The following GPRC5C variants were observed in gnomAD, a reference collection of about 807,000 sequenced individuals.
GPRC5C encodes the protein G protein-coupled receptor class C group 5 member C.
A neutral mutation model predicts 31.4 loss-of-function variants in GPRC5C; 22 were observed. The ratio of observed to expected loss-of-function variants is 0.70; its 90% confidence interval spans 0.50 to 1.00. GPRC5C has a LOEUF of 1.00. Among genes scored for constraint, GPRC5C ranks in the 50% least tolerant of loss-of-function variants. The pLI, the probability that GPRC5C is intolerant of heterozygous loss-of-function variation, is 0.00. For synonymous variants in GPRC5C, 249 were observed against 257.5 expected (o/e 0.97, Z 0.32); for missense variants, 557 against 597.2 (o/e 0.93, Z 0.70).
intron 1 of GPRC5C, chr17:74,433,647 C>G (rs975637757): frequency 1.5e-6 from 2 of 1,373,664 alleles, no homozygotes; most frequent in Non-Finnish European, 1.0e-6. Context: ...TCCCTATAGG[C>G]TCTTGAGTGT....
Position 74,440,149 on chromosome 17 carries a change from G to T in GPRC5C, c.373G>T (p.Val125Phe). Reference protein sequence around the residue: ...TCASRRFLFGVLFAICFSCLA... With the variant: ...TCASRRFLFGFLFAICFSCLA... ...TGCCTCTCGGCGCTTCCTCTTTGGGGTTCTGTTCGCCATCTGCTTCTCTTG... is the reference window on the plus strand; with the variant it reads ...TGCCTCTCGGCGCTTCCTCTTTGGGTTTCTGTTCGCCATCTGCTTCTCTTG... Residue 125 changes from valine to phenylalanine, a missense_variant, in exon 2 of 4, where the codon GTT becomes TTT. By Grantham distance (50) the Val-to-Phe change is conservative. Coordinates refer to ENST00000392627, the MANE Select transcript of GPRC5C (RefSeq NM_022036.4). This position sits in a 1 kb window ranked among gnomAD's most constrained non-coding sequence, Gnocchi z 4.4. 1.2e-6 allele frequency: 2 copies of T among 1,614,190 alleles called. No individual in the cohort carries two copies. Among genetic ancestry groups the T allele is most frequent in the Non-Finnish European group, 1.7e-6 (2 of 1,180,030 alleles).
chr17:74,435,311 G>A (rs1401078076), intron 1 of GPRC5C, among the ~76,000 whole-genome samples: 4 of 152,348 alleles, frequency 2.6e-5, no homozygotes, highest in African/African-American at 7.2e-5. Flanking sequence ...TTAACTCTCT[G>A]AGGGTCCCTG....
chr17:74,445,446 G>T lies in GPRC5C; in HGVS notation c.1147-1403G>T, dbSNP rs1277095239. On this transcript the variant is annotated intron_variant, in intron 3 of 3. Coordinates refer to ENST00000392627, the MANE Select transcript of GPRC5C (RefSeq NM_022036.4). ...CAGCTGCATGGGGCCAGCTGTGTTG[G>T]GTGGGGACTGTGTAGGGTCCAGCTA... The T allele has an allele frequency of 2.0e-5, 3 of 152,920 alleles. No homozygotes were observed. In the East Asian group the frequency reaches 5.8e-4, roughly 29 times the overall value. The allele number at this position is 152,920 out of a possible 1,614,324, so 9.5% of individuals were successfully genotyped here.
rs543672974 is a variant in GPRC5C at position 74,434,936 on chromosome 17, A to T, written c.-33+2795A>T. Among the ~76,000 whole-genome samples, 40 of 151,046 alleles carry T rather than the reference A, an allele frequency of 2.6e-4. No homozygotes were observed. In the South Asian group the frequency reaches 8.4e-3, roughly 32 times the overall value. ...GAAGCTTCGTCTCAAGAAAAAAAAA[A>T]AGGCTGGGCGCAGTGGCTCACGCCT... On this transcript the variant is annotated intron_variant, in intron 1 of 3. Coordinates refer to ENST00000392627, the MANE Select transcript of GPRC5C (RefSeq NM_022036.4).
chr17:74,438,238 TATATATATATATATTTG>T (rs1427978301), intron 1 of GPRC5C, among the ~76,000 whole-genome samples: 87 of 121,096 alleles, frequency 7.2e-4, no homozygotes, highest in African/African-American at 3.4e-3. Flanking sequence ...TATATATATA[TATATATATATATATTTG>T]TTGTTGTTGT....
intron 1 of GPRC5C, chr17:74,432,435 C>G (rs1055824379): frequency 9.0e-5 from 101 of 1,123,718 alleles, no homozygotes; most frequent in African/African-American, 1.6e-5. Context: ...CGCCCCGCGC[C>G]GCGTCCCTCC....
chr17:74,432,988 T>TCC (rs1249117648), intron 1 of GPRC5C, among the ~76,000 whole-genome samples: 1 of 151,314 alleles, frequency 6.6e-6, no homozygotes, highest in African/African-American at 2.4e-5. Flanking sequence ...GGGTTCAGAA[T>TCC]CCCCCTGAGG....
chr17:74,447,198 C>T lies in GPRC5C; in HGVS notation c.*170C>T, dbSNP rs570915374. 1.2e-4 allele frequency: 165 copies of T among 1,395,662 alleles called. No individual in the cohort carries two copies. The highest frequency in any genetic ancestry group is 2.3e-5 in the Non-Finnish European group (25 of 1,074,814). 86.5% of individuals were successfully genotyped at this position (1,395,662 alleles called of 1,614,324 possible). On this transcript the variant is annotated 3_prime_UTR_variant, in exon 4 of 4. Coordinates refer to ENST00000392627, the MANE Select transcript of GPRC5C (RefSeq NM_022036.4). ...TGTTTGGGTGGGTGTCATGGGTGTCCCCACCCACTCCTCAGTGTTTGTGGA... is the reference window on the plus strand; with the variant it reads ...TGTTTGGGTGGGTGTCATGGGTGTCTCCACCCACTCCTCAGTGTTTGTGGA...
At chr17:74,448,078 G>A (rs572703191), downstream of GPRC5C, among the ~76,000 whole-genome samples, 1 of 152,340 alleles carries the variant, frequency 6.6e-6, no homozygotes, top group East Asian at 1.9e-4. Context: ...GGAGGCCAAG[G>A]TGGGAGGATT....
At chr17:74,444,446 G>A (rs1163468890) in intron 3 of GPRC5C, among the ~76,000 whole-genome samples, 1 of 152,244 alleles carries the variant, frequency 6.6e-6, no homozygotes. Context: ...GTTAGCCAGG[G>A]GAGGGGGAGG....
downstream of GPRC5C, chr17:74,450,977 T>C (rs2055708290): frequency 6.6e-6 from 1 of 152,252 alleles, no homozygotes; most frequent in Non-Finnish European, 1.5e-5. Context: ...GCCTGTGCCT[T>C]TGTCACTGGC....
chr17:74,432,162 C>T (rs2055358786), intron 1 of GPRC5C, 21 bp downstream of exon 1: 1 of 1,604,216 alleles, frequency 6.2e-7, no homozygotes, highest in Non-Finnish European at 8.5e-7. Flanking sequence ...GCGGGGAGGG[C>T]CGGGCAGGCT....
At position 74,439,951 on chromosome 17, in the gene GPRC5C, G is replaced by T; in HGVS notation, c.175G>T (p.Ala59Ser). Reference protein sequence around the residue: ...WGIVLEAVAGAGIVTTFVLTI... With the variant: ...WGIVLEAVAGSGIVTTFVLTI... ...CATCGTCCTGGAGGCCGTGGCTGGGGCGGGCATTGTCACCACGTTTGTGCT... is the reference window on the plus strand; with the variant it reads ...CATCGTCCTGGAGGCCGTGGCTGGGTCGGGCATTGTCACCACGTTTGTGCT... The change falls in exon 2 of 4, where the codon GCG becomes TCG. Residue 59 changes from alanine to serine, a missense_variant. By Grantham distance (99) the Ala-to-Ser change is moderately conservative (BLOSUM62 1). Coordinates refer to ENST00000392627, the MANE Select transcript of GPRC5C (RefSeq NM_022036.4). The T allele has an allele frequency of 1.2e-6, 2 of 1,610,822 alleles. No homozygotes were observed. Among genetic ancestry groups the T allele is most frequent in the South Asian group, 2.2e-5 (2 of 91,074 alleles).
At chr17:74,446,744 G>C (rs1331373277) in intron 3 of GPRC5C, 105 bp from the exon 4 acceptor site, 1 of 885,734 alleles carries the variant, frequency 1.1e-6, no homozygotes, top group Non-Finnish European at 1.8e-6. Flanking sequence ...GGGGGAGTTG[G>C]GGGGGATCTG....
In GPRC5C at chr17:74,447,092, A is replaced by C; in HGVS notation, c.*64A>C. 1 of 1,557,914 alleles carries C rather than the reference A, an allele frequency of 6.4e-7. No individual in the cohort carries two copies. Among genetic ancestry groups the C allele is most frequent in the Non-Finnish European group, 8.7e-7 (1 of 1,147,594 alleles). On this transcript the variant is annotated 3_prime_UTR_variant, in exon 4 of 4. Transcript: ENST00000392627. ...GGCCCTGAGGACCTGGCCCCGGGCA[A>C]GGGACTCTCCAGGCTCCTCCTCCCC...
chr17:74,451,078 C>T (rs967883449), downstream of GPRC5C: 1 of 152,222 alleles, frequency 6.6e-6, no homozygotes, highest in African/African-American at 2.4e-5. Context: ...TGTTGCCTGT[C>T]GAAGTCCATG....
Position 74,440,613 on chromosome 17 carries a change from G to T in GPRC5C, c.837G>T (p.Thr279=). Residue 279 remains threonine, a synonymous_variant, in exon 2 of 4, where the codon ACG becomes ACT. Coordinates refer to ENST00000392627, the MANE Select transcript of GPRC5C (RefSeq NM_022036.4). This position sits in a 1 kb window ranked among gnomAD's most constrained non-coding sequence, Gnocchi z 4.4. ...ACAGTCCCACCTGGGATGACCCCAC[G>T]CTGGCCATCGCCCTCGCCGCCAATG... ...QHNSPTWDDP[T]LAIALAANAW... The T allele has an allele frequency of 1.2e-6, 2 of 1,610,094 alleles. No individual in the cohort carries two copies. Among genetic ancestry groups the T allele is most frequent in the Non-Finnish European group, 1.7e-6 (2 of 1,176,672 alleles).
At chr17:74,433,714 A>T in intron 1 of GPRC5C, 20 of 1,613,512 alleles carry the variant, frequency 1.2e-5, no homozygotes, top group Non-Finnish European at 1.6e-5. Context: ...CTCCCTGAAG[A>T]GTGCCCTGGT....
intron 1 of GPRC5C, among the ~76,000 whole-genome samples, chr17:74,439,119 T>G (rs1002031053): frequency 1.3e-5 from 2 of 152,238 alleles, no homozygotes; most frequent in African/African-American, 2.4e-5. Context: ...ATTTCACCCT[T>G]GACTTCCGCT....
Sources: allele counts gnomAD v4.1 joint callset (sites outside exome capture counted in the v4.1 genomes callset), GRCh38; gene constraint gnomAD v4.1.1; non-coding constraint Gnocchi (gnomAD v3.1); transcripts MANE v1.5; gene names NCBI Gene and HGNC (gene_info 2026-07-23, HGNC 2026-07-21).